Variants in AMOTL1 observed in about 807,000 individuals in gnomAD.
AMOTL1 encodes the protein angiomotin-like protein 1.
A neutral mutation model predicts 102.9 loss-of-function variants in AMOTL1; 45 were observed. The observed-to-expected ratio is 0.44, with a 90% CI of 0.34 to 0.56. AMOTL1 has a LOEUF of 0.56. Ranked by LOEUF, AMOTL1 falls within the 20% of genes least tolerant of loss-of-function variation. The pLI, the probability that AMOTL1 is intolerant of heterozygous loss-of-function variation, is 0.01. For missense variants in AMOTL1, 1,114 were observed against 1,225.6 expected (o/e 0.91, Z 1.36); for synonymous variants, 481 against 484.7 (o/e 0.99, Z 0.10).
intron 6 of AMOTL1, among the ~76,000 whole-genome samples, chr11:94,848,309 G>A (rs759348637): frequency 1.3e-5 from 2 of 152,132 alleles, no homozygotes. Flanking sequence ...TTCAAATGCT[G>A]CAGAAAGGAA....
chr11:94,820,933 G>C (rs945456100), intron 3 of AMOTL1, among the ~76,000 whole-genome samples: 3 of 152,202 alleles, frequency 2.0e-5, no homozygotes, highest in South Asian at 2.1e-4. Flanking sequence ...TGTAAATATA[G>C]ATGAAACTTT....
rs114113650 is a variant in AMOTL1, at chr11:94,732,823, A to C, written c.85+3768A>C. ...TTAGGGGAGAGGCAGGAAGTCTGGG[A>C]AACACGGCCTGGCAGCGTGGGCCAG... On this transcript the variant is annotated intron_variant, in intron 2 of 4. Transcript: ENST00000299004. Among the ~76,000 whole-genome samples the C allele has an allele frequency of 7.5e-3, 1,136 of 152,326 alleles. 13 individuals are homozygous for C. The highest frequency in any genetic ancestry group is 0.025 in the African/African-American group (1,024 of 41,578).
At chr11:94,709,405 A>G (rs1949985264) in intron 1 of AMOTL1, among the ~76,000 whole-genome samples, 1 of 152,136 alleles carries the variant, frequency 6.6e-6, no homozygotes, top group Non-Finnish European at 1.5e-5. Context: ...GCCAATTTTC[A>G]TGGTGTAAAT....
At chr11:94,829,898 C>T (rs990709529) in intron 4 of AMOTL1, among the ~76,000 whole-genome samples, 152 bp from the exon 5 acceptor site, 1 of 152,118 alleles carries the variant, frequency 6.6e-6, no homozygotes, top group South Asian at 2.1e-4. Context: ...GGAGTGAAAT[C>T]GATTATACAG....
In AMOTL1 at chr11:94,846,498, A is replaced by G. The variant is rs766229656; in HGVS notation, c.1649-3616A>G. Among the ~76,000 whole-genome samples, 123 of 152,386 alleles carry G rather than the reference A, an allele frequency of 8.1e-4. No homozygotes were observed. The Middle Eastern group carries it at 0.01, about 13-fold the overall frequency. ...TGTTTACTACCTCAGTCACAGAACC[A>G]TAAGTGGAAGAGCTGGGTGTGAACC... is the stretch of plus-strand genomic sequence containing the variant. On this transcript the variant is annotated intron_variant, in intron 6 of 12. Coordinates refer to ENST00000433060, the MANE Select transcript of AMOTL1 (RefSeq NM_130847.3).
At chr11:94,736,715 C>T (rs1215696969) in intron 2 of AMOTL1, among the ~76,000 whole-genome samples, 1 of 152,196 alleles carries the variant, frequency 6.6e-6, no homozygotes, top group Non-Finnish European at 1.5e-5. Context: ...AGATGCAAAT[C>T]CGTAAACTTG....
chr11:94,816,712 A>G (rs1319677530), intron 3 of AMOTL1, among the ~76,000 whole-genome samples: 4 of 152,160 alleles, frequency 2.6e-5, no homozygotes, highest in Admixed American at 1.3e-4. Context: ...TTCTGGGGCT[A>G]AACAGGACAC....
At chr11:94,852,109 A>G (rs1952551815) in intron 7 of AMOTL1, among the ~76,000 whole-genome samples, 1 of 152,214 alleles carries the variant, frequency 6.6e-6, no homozygotes, top group Non-Finnish European at 1.5e-5. Flanking sequence ...TATGAATCAC[A>G]CACACAAAAT....
Position 94,795,039 on chromosome 11 carries a change from T to C in AMOTL1, c.78T>C (p.Ser26=), listed in dbSNP as rs1389274074. The C allele has an allele frequency of 6.2e-7, 1 of 1,613,428 alleles. No homozygotes were observed. Among genetic ancestry groups the C allele is most frequent in the Non-Finnish European group, 8.5e-7 (1 of 1,179,764 alleles). The change falls in exon 2 of 13, where the codon AGT becomes AGC. Residue 26 remains serine, a synonymous_variant. Coordinates refer to ENST00000433060, the MANE Select transcript of AMOTL1 (RefSeq NM_130847.3). Reference sequence around the variant, plus strand: ...CCCCTTCTGCTTGTTATAGCCCCAGTAGTCCTGTCCAGGTTCTAGAAGACT... The same window carrying C: ...CCCCTTCTGCTTGTTATAGCCCCAGCAGTCCTGTCCAGGTTCTAGAAGACT... The part of the protein sequence containing the change: ...KGSPSACYSP[S]SPVQVLEDST...
At chr11:94,715,870 T>C (rs1195864879) in intron 1 of AMOTL1, among the ~76,000 whole-genome samples, 3 of 152,122 alleles carry the variant, frequency 2.0e-5, no homozygotes, top group Non-Finnish European at 4.4e-5. Flanking sequence ...TAGGTTCACT[T>C]GGCTTCTTGA....
At chr11:94,740,873 T>G (rs1950512232) in intron 2 of AMOTL1, 1 of 1,095,774 alleles carries the variant, frequency 9.1e-7, no homozygotes, top group South Asian at 1.3e-5. Flanking sequence ...CTTGAGCTGG[T>G]GCTTGTGCGG....
Position 94,772,136 on chromosome 11 carries a change from A to G in AMOTL1, c.49+3576A>G, listed in dbSNP as rs149508400. Reference sequence around the variant, plus strand: ...GTTTCCCCCATTGGTAACATCTTACATAACCATAGTACAGTAGCAGAACCA... The same window carrying G: ...GTTTCCCCCATTGGTAACATCTTACGTAACCATAGTACAGTAGCAGAACCA... On this transcript the variant is annotated intron_variant, in intron 1 of 12. Transcript: ENST00000433060. Among the ~76,000 whole-genome samples the G allele has an allele frequency of 3.6e-3, 547 of 152,348 alleles. 8 individuals are homozygous for G. The highest frequency in any genetic ancestry group is 0.012 in the African/African-American group (494 of 41,574).
chr11:94,816,999 G>T (rs950501683), intron 3 of AMOTL1, among the ~76,000 whole-genome samples: 1 of 152,082 alleles, frequency 6.6e-6, no homozygotes, highest in African/African-American at 2.4e-5. Context: ...TGTGTCAGAT[G>T]AACACAATTT....
chr11:94,856,273 A>G (rs1029557796), intron 8 of AMOTL1, among the ~76,000 whole-genome samples: 18 of 151,774 alleles, frequency 1.2e-4, no homozygotes, highest in African/African-American at 3.9e-4. Context: ...TTTTCCTGTA[A>G]TATTTCTTTA....
chr11:94,831,786 A>G (rs1952077374), intron 6 of AMOTL1, among the ~76,000 whole-genome samples: 1 of 152,082 alleles, frequency 6.6e-6, no homozygotes, highest in Non-Finnish European at 1.5e-5. Context: ...CTCTCTCTCT[A>G]TAATACCCTT....
chr11:94,854,312 G>T (rs569610270), intron 8 of AMOTL1, among the ~76,000 whole-genome samples: 1 of 152,176 alleles, frequency 6.6e-6, no homozygotes, highest in Admixed American at 6.5e-5. Context: ...CTTGGGGCTG[G>T]GGAGAGCGGA....
intron 1 of AMOTL1, among the ~76,000 whole-genome samples, chr11:94,713,392 T>A (rs1950048356): frequency 1.3e-5 from 2 of 152,132 alleles, no homozygotes; most frequent in South Asian, 4.1e-4. Context: ...AACTTTAGAA[T>A]GAACTTGTCT....
intron 3 of AMOTL1, among the ~76,000 whole-genome samples, chr11:94,818,350 C>G (rs1341967035): frequency 6.6e-6 from 1 of 152,070 alleles, no homozygotes; most frequent in African/African-American, 2.4e-5. Context: ...TTTCTTGGGC[C>G]CTTGAGGTGA....
At chr11:94,865,191 G>A (rs966075847) in intron 10 of AMOTL1, among the ~76,000 whole-genome samples, 1 of 152,096 alleles carries the variant, frequency 6.6e-6, no homozygotes, top group Non-Finnish European at 1.5e-5. Context: ...GCTGAAAGGG[G>A]GAAACATTAT....
Sources: gnomAD v4.1 joint callset for allele counts (sites outside exome capture counted in the v4.1 genomes callset) on GRCh38, gnomAD v4.1.1 for gene constraint, MANE v1.5 for transcripts, NCBI Gene and HGNC (gene_info 2026-07-23, HGNC 2026-07-21) for gene names.